The following PRRX2 variants were observed in gnomAD, a reference collection of about 807,000 sequenced individuals.
PRRX2 encodes paired mesoderm homeobox protein 2.
PRRX2 carries 11 observed loss-of-function variants against 18.0 expected under a neutral mutation model. The observed-to-expected ratio is 0.61, with a 90% CI of 0.39 to 1.01. The LOEUF (loss-of-function observed/expected upper bound fraction) is 1.01, where lower values mean the gene tolerates loss of function less well. Among genes scored for constraint, PRRX2 ranks in the 50% least tolerant of loss-of-function variants. The probability of loss-of-function intolerance (pLI) is 0.01; values close to 1 mark genes in which losing one functional copy is unlikely to be tolerated. For synonymous variants in PRRX2, 177 were observed against 154.8 expected (o/e 1.14, Z -1.06); for missense variants, 387 against 351.0 (o/e 1.10, Z -0.82).
chr9:129,703,038 A>G (rs1216543252), intron 1 of PRRX2, among the ~76,000 whole-genome samples: 2 of 152,174 alleles, frequency 1.3e-5, no homozygotes, highest in Admixed American at 6.5e-5. Context: ...TGTAATGGAG[A>G]ATTTTCTAGA....
rs1832011941 is a variant in PRRX2, at chr9:129,665,842, C to T, written c.-26C>T. The T allele has an allele frequency of 9.7e-7, 1 of 1,029,428 alleles. No homozygotes were observed. The highest frequency in any genetic ancestry group is 1.2e-6 in the Non-Finnish European group (1 of 860,906). The allele number at this position is 1,029,428 out of a possible 1,614,324, so 63.8% of individuals were successfully genotyped here. ...TGGGACCCGAGCCCGAGACCCCCGC[C>T]GGCCCCCCCGGGGCCGCTCGCGGGC... On this transcript the variant is annotated 5_prime_UTR_variant, in exon 1 of 4. Coordinates refer to ENST00000372469, the MANE Select transcript of PRRX2 (RefSeq NM_016307.4). The surrounding 1 kb of genome is among the most constrained non-coding windows in gnomAD (Gnocchi z 5.3).
At chr9:129,719,584 C>A (rs13284866) in intron 2 of PRRX2, among the ~76,000 whole-genome samples, 166 bp downstream of exon 2, 34,573 of 152,246 alleles carry the variant, frequency 0.23, 6,190 homozygotes, top group African/African-American at 0.49. Context: ...TGGCTGTGTG[C>A]CCTTGAGCAA....
rs530773145 is a variant in PRRX2 at position 129,722,231 on chromosome 9, A to T, written c.641A>T (p.Tyr214Phe). The change falls in exon 4 of 4, where the codon TAC (tyrosine) becomes TTC (phenylalanine). Residue 214 changes from tyrosine (Y) to phenylalanine (F), a missense_variant. Transcript: ENST00000372469. ...GTCGCCCCCAGCACAGTGCCACCCT[A>T]CAGCCCTGGGAGCTCAGGCCCCGCA... Reference protein sequence around the residue: ...ASSPYSTVPPYSPGSSGPATP... With the variant: ...ASSPYSTVPPFSPGSSGPATP... 1.2e-6 allele frequency: 2 copies of T among 1,613,752 alleles called. No homozygotes were observed. The highest frequency in any genetic ancestry group is 1.7e-5 in the Admixed American group (1 of 59,996).
intron 1 of PRRX2, among the ~76,000 whole-genome samples, chr9:129,716,046 A>G (rs1054568884): frequency 4.6e-5 from 7 of 152,158 alleles, no homozygotes; most frequent in African/African-American, 1.7e-4. Flanking sequence ...TAAAATCCAA[A>G]GCTCTTCTGT....
chr9:129,703,781 C>T (rs909009521), intron 1 of PRRX2, among the ~76,000 whole-genome samples: 3 of 152,192 alleles, frequency 2.0e-5, no homozygotes, highest in Admixed American at 1.3e-4. Flanking sequence ...GGAGCTTTGC[C>T]GAGCAAGGCT....
chr9:129,711,918 G>GGC (rs773198497), intron 1 of PRRX2, among the ~76,000 whole-genome samples: 2 of 152,168 alleles, frequency 1.3e-5, no homozygotes, highest in Non-Finnish European at 2.9e-5. Flanking sequence ...GCCAGGCAGT[G>GGC]GCTAAGGATG....
intron 1 of PRRX2, among the ~76,000 whole-genome samples, chr9:129,691,435 G>A (rs774332814): frequency 6.6e-5 from 10 of 152,034 alleles, no homozygotes; most frequent in Non-Finnish European, 1.2e-4. Context: ...ACATTTTGCT[G>A]TTATTTATGC....
intron 1 of PRRX2, among the ~76,000 whole-genome samples, chr9:129,700,975 CCTT>C (rs1407298027): frequency 2.0e-5 from 3 of 152,150 alleles, no homozygotes; most frequent in Admixed American, 2.0e-4. Flanking sequence ...CAAAAAGGTT[CCTT>C]CTGGAGAGGA....
chr9:129,720,267 A>C (rs112986189), intron 2 of PRRX2, among the ~76,000 whole-genome samples: 48 of 147,050 alleles, frequency 3.3e-4, no homozygotes, highest in African/African-American at 1.2e-3. Context: ...AGTGCTCAGC[A>C]AGCGCCTCTC....
rs1194871410 is a variant in PRRX2 at position 129,715,201 on chromosome 9, C to A, written c.260-4030C>A. On this transcript the variant is annotated intron_variant, in intron 1 of 3. Transcript: ENST00000372469. This position sits in a 1 kb window ranked among gnomAD's most constrained non-coding sequence, Gnocchi z 4.0. The stretch of plus-strand genomic sequence containing the variant: ...AAAGGGGGAAACTTCTGAACATAAC[C>A]TCCTAGTCATCCCTCTAAACCAGGG... 6.6e-6 allele frequency among the ~76,000 whole-genome samples: 1 copy of A among 152,208 alleles called. No individual in the cohort carries two copies. Among genetic ancestry groups the A allele is most frequent in the Non-Finnish European group, 1.5e-5 (1 of 68,040 alleles).
In PRRX2 at chr9:129,683,153, A is replaced by G. The variant is rs532510131; in HGVS notation, c.259+17027A>G. On this transcript the variant is annotated intron_variant, in intron 1 of 3. Coordinates refer to ENST00000372469, the MANE Select transcript of PRRX2 (RefSeq NM_016307.4). ...CTATGCCAGTTCCTGCCAGGCCACCATTAAGTCTTATTTGGGTGAAGTCAC... is the reference window on the plus strand; with the variant it reads ...CTATGCCAGTTCCTGCCAGGCCACCGTTAAGTCTTATTTGGGTGAAGTCAC... Among the ~76,000 whole-genome samples, 7 of 152,114 alleles carry G rather than the reference A, an allele frequency of 4.6e-5. No individual in the cohort carries two copies. The East Asian group carries it at 1.2e-3, about 25-fold the overall frequency.
At chr9:129,704,412 A>G (rs1832534543) in intron 1 of PRRX2, among the ~76,000 whole-genome samples, 1 of 152,158 alleles carries the variant, frequency 6.6e-6, no homozygotes, top group Non-Finnish European at 1.5e-5. Flanking sequence ...CTGAGGACAC[A>G]CGGGGGCAAT....
At chr9:129,685,181 A>G (rs1832286874) in intron 1 of PRRX2, among the ~76,000 whole-genome samples, 1 of 152,142 alleles carries the variant, frequency 6.6e-6, no homozygotes, top group Non-Finnish European at 1.5e-5. Flanking sequence ...CAGGCCTGGG[A>G]GGCCAGGGAG....
In PRRX2 at chr9:129,709,132, G is replaced by T. The variant is rs1256097438; in HGVS notation, c.260-10099G>T. ...CAGCTTTAGCCAGTGCGGTGGGGAT[G>T]GGGGAAGGGTGCCCTAGCTAGAGGG... is the stretch of plus-strand genomic sequence containing the variant. On this transcript the variant is annotated intron_variant, in intron 1 of 3. Transcript: ENST00000372469. This position sits in a 1 kb window ranked among gnomAD's most constrained non-coding sequence, Gnocchi z 4.2. Among the ~76,000 whole-genome samples the T allele has an allele frequency of 2.0e-5, 3 of 152,142 alleles. No homozygotes were observed. Among genetic ancestry groups the T allele is most frequent in the Non-Finnish European group, 4.4e-5 (3 of 68,030 alleles).
intron 1 of PRRX2, among the ~76,000 whole-genome samples, chr9:129,673,915 C>T (rs997129090): frequency 1.3e-5 from 2 of 152,090 alleles, no homozygotes; most frequent in East Asian, 1.9e-4. Flanking sequence ...ACTGAGCAGA[C>T]GAAGAGATGG....
chr9:129,692,563 G>A (rs12685174), intron 1 of PRRX2, among the ~76,000 whole-genome samples: 22,741 of 152,022 alleles, frequency 0.15, 2,244 homozygotes, highest in East Asian at 0.36. Context: ...CTCTTCATCC[G>A]TCCCTCCTGC....
intron 1 of PRRX2, among the ~76,000 whole-genome samples, chr9:129,693,212 C>T (rs1465934648): frequency 2.0e-5 from 3 of 152,124 alleles, no homozygotes; most frequent in African/African-American, 7.2e-5. Context: ...GGTGTCTGCT[C>T]AGGGCTTCCG....
intron 1 of PRRX2, among the ~76,000 whole-genome samples, chr9:129,687,997 G>C (rs1832316498): frequency 6.6e-6 from 1 of 152,080 alleles, no homozygotes; most frequent in African/African-American, 2.4e-5. Context: ...CTGGGCTCAA[G>C]CGGTCCTCCT....
intron 2 of PRRX2, among the ~76,000 whole-genome samples, chr9:129,719,877 C>T (rs965400513): frequency 2.6e-5 from 4 of 152,118 alleles, no homozygotes; most frequent in Admixed American, 1.3e-4. Context: ...ATCCCAGCTG[C>T]TTGGGTGGCT....
Sources: allele counts gnomAD v4.1 joint callset (sites outside exome capture counted in the v4.1 genomes callset), GRCh38; gene constraint gnomAD v4.1.1; non-coding constraint Gnocchi (gnomAD v3.1); transcripts MANE v1.5; gene names NCBI Gene and HGNC (gene_info 2026-07-23, HGNC 2026-07-21).